The following EPB41L5 variants were observed in gnomAD, a reference collection of about 807,000 sequenced individuals.
The protein encoded by EPB41L5 is band 4.1-like protein 5.
A neutral mutation model predicts 106.6 loss-of-function variants in EPB41L5; 55 were observed. The ratio of observed to expected loss-of-function variants is 0.52; its 90% confidence interval spans 0.42 to 0.65. EPB41L5 has a LOEUF of 0.65. EPB41L5 is among the 30% of genes least tolerant of loss of function. The pLI is 0.00. For synonymous variants in EPB41L5, 297 were observed against 306.7 expected, an observed-to-expected ratio of 0.97 and a Z score of 0.33; for missense variants, 871 against 882.1, an observed-to-expected ratio of 0.99 and a Z score of 0.16.
intron 3 of EPB41L5, among the ~76,000 whole-genome samples, chr2:120,046,519 T>C (rs1300123265): frequency 6.6e-6 from 1 of 151,378 alleles, no homozygotes; most frequent in Non-Finnish European, 1.5e-5. Context: ...TTTTTTTTTC[T>C]TGTAAATTTG....
At chr2:120,108,426 T>C (rs1338010755) in intron 16 of EPB41L5, 6 of 152,198 alleles carry the variant, frequency 3.9e-5, no homozygotes, top group Non-Finnish European at 7.3e-5. Flanking sequence ...CAGTGTATGA[T>C]TAAGATTTGT....
intron 16 of EPB41L5, among the ~76,000 whole-genome samples, chr2:120,112,773 T>C (rs1684779577): frequency 6.6e-6 from 1 of 152,258 alleles, no homozygotes; most frequent in Non-Finnish European, 1.5e-5. Context: ...ACTTGAGTGC[T>C]TCTGTGCCAG....
intron 3 of EPB41L5, among the ~76,000 whole-genome samples, chr2:120,046,242 A>T (rs1324952505): frequency 1.3e-5 from 2 of 152,208 alleles, no homozygotes; most frequent in Non-Finnish European, 2.9e-5. Context: ...ACTGTCTTCC[A>T]CAATGGTTGA....
intron 3 of EPB41L5, among the ~76,000 whole-genome samples, chr2:120,057,942 G>A (rs1173844889): frequency 6.6e-6 from 1 of 152,004 alleles, no homozygotes; most frequent in African/African-American, 2.4e-5. Flanking sequence ...CAAAATAATT[G>A]GAGAGTTAAC....
chr2:120,068,028 A>T (rs1681565957), intron 3 of EPB41L5, among the ~76,000 whole-genome samples: 1 of 152,190 alleles, frequency 6.6e-6, no homozygotes, highest in African/African-American at 2.4e-5. Flanking sequence ...TGCAGCTGCC[A>T]GTGAGATCAA....
At chr2:120,023,806 A>G (rs941854108) in intron 2 of EPB41L5, among the ~76,000 whole-genome samples, 7 of 152,180 alleles carry the variant, frequency 4.6e-5, no homozygotes, top group African/African-American at 1.4e-4. Context: ...GATTCTTCCT[A>G]CCCATGAGCA....
At chr2:120,098,084 A>G (rs923709272) in intron 14 of EPB41L5, among the ~76,000 whole-genome samples, 8 of 151,560 alleles carry the variant, frequency 5.3e-5, no homozygotes, top group African/African-American at 1.9e-4. Flanking sequence ...ATGGTTAGTA[A>G]AAAGAAATTG....
intron 18 of EPB41L5, among the ~76,000 whole-genome samples, chr2:120,138,635 A>G (rs1368735473): frequency 2.0e-5 from 3 of 152,060 alleles, no homozygotes; most frequent in African/African-American, 7.2e-5. Flanking sequence ...CAAAGAAGTG[A>G]AAGATTTCTG....
At chr2:120,098,277 A>G (rs1002867595) in intron 14 of EPB41L5, among the ~76,000 whole-genome samples, 1 of 151,468 alleles carries the variant, frequency 6.6e-6, no homozygotes, top group African/African-American at 2.4e-5. Context: ...TGGCATCATC[A>G]TGGCTCACTG....
chr2:120,165,866 G>A (rs1267111000), intron 22 of EPB41L5, among the ~76,000 whole-genome samples: 1 of 151,576 alleles, frequency 6.6e-6, no homozygotes, highest in Non-Finnish European at 1.5e-5. Context: ...TACTCGGGAG[G>A]CTGAGGCAAG....
At chr2:120,078,724 C>T (rs1682424577) in intron 10 of EPB41L5, 143 bp downstream of exon 10, 3 of 544,100 alleles carry the variant, frequency 5.5e-6, no homozygotes, top group East Asian at 3.3e-5. Context: ...CACACTATTA[C>T]GCATCATTAT....
At chr2:120,114,548 G>A (rs950428664) in intron 16 of EPB41L5, among the ~76,000 whole-genome samples, 1 of 152,096 alleles carries the variant, frequency 6.6e-6, no homozygotes, top group Non-Finnish European at 1.5e-5. Flanking sequence ...ACATTATCAG[G>A]ATATAACCCC....
Position 120,019,225 on chromosome 2 carries a change from G to A in EPB41L5, c.141G>A (p.Val47=). 6.2e-7 allele frequency: 1 copy of A among 1,613,956 alleles called. No individual in the cohort carries two copies. The highest frequency in any genetic ancestry group is 8.5e-7 in the Non-Finnish European group (1 of 1,180,012). The stretch of plus-strand genomic sequence containing the variant: ...CTAAGTCCATCATCACGTGTCGGGT[G>A]TCCCTTCTGGATGGTACTGATGTTA... ...GDSKSIITCR[V]SLLDGTDVSV... Residue 47 remains valine (V), a synonymous_variant, in exon 2 of 25, where the codon GTG becomes GTA. Transcript: ENST00000263713.
chr2:120,069,230 CAAAG>C (rs1681687726), intron 3 of EPB41L5, among the ~76,000 whole-genome samples: 1 of 144,464 alleles, frequency 6.9e-6, no homozygotes, highest in Admixed American at 6.9e-5. Flanking sequence ...TCAAAAAAGA[CAAAG>C]AAGGGCATGG....
chr2:120,033,448 C>T (rs1231865595), intron 2 of EPB41L5, among the ~76,000 whole-genome samples: 1 of 152,086 alleles, frequency 6.6e-6, no homozygotes, highest in Non-Finnish European at 1.5e-5. Context: ...TGGCTCATGC[C>T]TGTAATCCCA....
intron 23 of EPB41L5, 69 bp from the exon 24 acceptor site, chr2:120,167,807 AT>A (rs1687483215): frequency 6.3e-6 from 10 of 1,577,502 alleles, no homozygotes; most frequent in Non-Finnish European, 7.8e-6. Flanking sequence ...GTGAAGCTTG[AT>A]TTGGAGCTGA....
intron 20 of EPB41L5, among the ~76,000 whole-genome samples, chr2:120,146,652 G>A (rs1337939837): frequency 1.3e-5 from 2 of 152,130 alleles, no homozygotes; most frequent in Non-Finnish European, 1.5e-5. Flanking sequence ...ACTTGCCATG[G>A]GTTCTCACAG....
intron 10 of EPB41L5, among the ~76,000 whole-genome samples, chr2:120,083,403 A>G (rs1051824725): frequency 1.3e-5 from 2 of 152,024 alleles, no homozygotes; most frequent in African/African-American, 4.8e-5. Flanking sequence ...TTTTCCATGT[A>G]GTTGAGTGGT....
chr2:120,134,214 A>T (rs1685824771), intron 18 of EPB41L5, among the ~76,000 whole-genome samples: 1 of 151,752 alleles, frequency 6.6e-6, no homozygotes, highest in Admixed American at 6.6e-5. Flanking sequence ...TGAGGAAAGG[A>T]GAGGGAAGAA....
Sources: allele counts gnomAD v4.1 joint callset (sites outside exome capture counted in the v4.1 genomes callset), GRCh38; gene constraint gnomAD v4.1.1; transcripts MANE v1.5; gene names NCBI Gene and HGNC (gene_info 2026-07-23, HGNC 2026-07-21).